The following IFNG-AS1 variants were observed in gnomAD, a reference collection of about 807,000 sequenced individuals.
The protein encoded by IFNG-AS1 is IFNG regulatory antisense RNA 1, also known as IFNG antisense RNA 1 (non-protein coding).
At chr12:67,999,559 A>C (rs1211624010) in intron 2 of IFNG-AS1, among the ~76,000 whole-genome samples, 1 of 152,222 alleles carries the variant, frequency 6.6e-6, no homozygotes, top group Non-Finnish European at 1.5e-5. Context: ...TTTGAAGAAC[A>C]AAGTAAATTA....
At chr12:68,018,636 C>T (rs1880210016) in intron 3 of IFNG-AS1, among the ~76,000 whole-genome samples, 1 of 152,112 alleles carries the variant, frequency 6.6e-6, no homozygotes, top group African/African-American at 2.4e-5. Context: ...GGAAGAAATA[C>T]TCCTACAACT....
chr12:68,006,714 G>A (rs891522781), intron 3 of IFNG-AS1, among the ~76,000 whole-genome samples: 1 of 152,222 alleles, frequency 6.6e-6, no homozygotes, highest in East Asian at 1.9e-4. Flanking sequence ...ATTTCACTGA[G>A]TCAGAAAGAG....
intron 2 of IFNG-AS1, among the ~76,000 whole-genome samples, chr12:68,003,918 A>C (rs1053816533): frequency 1.9e-5 from 2 of 107,598 alleles, no homozygotes; most frequent in Non-Finnish European, 4.2e-5. Flanking sequence ...AAAAAAAAAA[A>C]AAAGAATCCG....
At chr12:68,015,508 G>A (rs1880131177) in intron 3 of IFNG-AS1, among the ~76,000 whole-genome samples, 1 of 152,074 alleles carries the variant, frequency 6.6e-6, no homozygotes, top group Non-Finnish European at 1.5e-5. Context: ...CTACTTTGAA[G>A]CCTCTAAAGT....
intron 1 of IFNG-AS1, among the ~76,000 whole-genome samples, chr12:67,995,637 A>T (rs1304190642): frequency 1.4e-5 from 2 of 146,918 alleles, no homozygotes; most frequent in Non-Finnish European, 3.0e-5. Flanking sequence ...CAGGAGAATC[A>T]CTTGAACCTG....
intron 3 of IFNG-AS1, among the ~76,000 whole-genome samples, chr12:68,016,032 G>A (rs1464161157): frequency 1.3e-5 from 2 of 152,066 alleles, no homozygotes; most frequent in Non-Finnish European, 2.9e-5. Context: ...AAAAGTTCTT[G>A]AAAGAGAAGT....
intron 2 of IFNG-AS1, among the ~76,000 whole-genome samples, chr12:68,002,389 A>T (rs1285401500): frequency 6.6e-6 from 1 of 152,202 alleles, no homozygotes; most frequent in East Asian, 1.9e-4. Flanking sequence ...TGGCTCTCAG[A>T]GTCAGATAAT....
At chr12:68,011,467 T>C (rs1164784465) in intron 3 of IFNG-AS1, among the ~76,000 whole-genome samples, 2 of 152,070 alleles carry the variant, frequency 1.3e-5, no homozygotes, top group African/African-American at 4.8e-5. Flanking sequence ...AACCTGAAAA[T>C]GCAAAAAGCG....
chr12:68,004,413 G>A (rs1879860770), intron 2 of IFNG-AS1, among the ~76,000 whole-genome samples: 1 of 152,052 alleles, frequency 6.6e-6, no homozygotes, highest in Non-Finnish European at 1.5e-5. Flanking sequence ...TCTTCCCAAT[G>A]CTGGATCTTC....
intron 2 of IFNG-AS1, among the ~76,000 whole-genome samples, chr12:68,000,859 T>C (rs1250746915): frequency 6.6e-6 from 1 of 152,142 alleles, no homozygotes; most frequent in African/African-American, 2.4e-5. Flanking sequence ...TTAATCCTAG[T>C]TATAATTTTA....
intron 3 of IFNG-AS1, among the ~76,000 whole-genome samples, chr12:68,016,227 C>T (rs1040872621): frequency 4.6e-5 from 7 of 152,222 alleles, no homozygotes; most frequent in African/African-American, 7.2e-5. Context: ...TCCTCTCTTG[C>T]GATGCATACC....
intron 2 of IFNG-AS1, among the ~76,000 whole-genome samples, chr12:67,999,999 G>A (rs1879731391): frequency 6.6e-6 from 1 of 152,116 alleles, no homozygotes; most frequent in African/African-American, 2.4e-5. Context: ...TGTATAAGCT[G>A]AATTTAATCA....
rs951771362 is a variant in IFNG-AS1 at position 67,997,629 on chromosome 12, T to TA, written n.184+1566dup. Among the ~76,000 whole-genome samples the TA allele has an allele frequency of 5.1e-3, 744 of 146,626 alleles. 6 individuals are homozygous for TA. The highest frequency in any genetic ancestry group is 0.017 in the African/African-American group (683 of 40,230). On this transcript the variant is annotated intron_variant and non_coding_transcript_variant, in intron 2 of 5. Coordinates refer to ENST00000536914, the Ensembl canonical transcript of IFNG-AS1. ...CCATGACTCAAAATCCAGAGGCAAT[T>TA]AAAAAAAAAAGATTGACGAGTGGCC...
At chr12:67,994,700 C>A (rs1394677088) in intron 1 of IFNG-AS1, among the ~76,000 whole-genome samples, 1 of 152,190 alleles carries the variant, frequency 6.6e-6, no homozygotes, top group Non-Finnish European at 1.5e-5. Flanking sequence ...GGGATCTTAT[C>A]TGGATGATGA....
chr12:68,002,139 G>T (rs1879783769), intron 2 of IFNG-AS1, among the ~76,000 whole-genome samples: 1 of 152,186 alleles, frequency 6.6e-6, no homozygotes, highest in African/African-American at 2.4e-5. Context: ...GGGGTGAGCT[G>T]GTCTAGAATC....
intron 2 of IFNG-AS1, among the ~76,000 whole-genome samples, chr12:67,996,960 CA>C (rs1879655930): frequency 6.6e-6 from 1 of 151,946 alleles, no homozygotes; most frequent in African/African-American, 2.4e-5. Flanking sequence ...TTAACTAAAA[CA>C]ATAAGATAAG....
intron 1 of IFNG-AS1, among the ~76,000 whole-genome samples, chr12:67,990,430 G>T (rs957371597): frequency 6.6e-6 from 1 of 152,142 alleles, no homozygotes; most frequent in Non-Finnish European, 1.5e-5. Flanking sequence ...TCCTCTCTGA[G>T]CTCACCTTTG....
At chr12:68,019,434 C>T (rs1880234673) in intron 3 of IFNG-AS1, among the ~76,000 whole-genome samples, 2 of 152,174 alleles carry the variant, frequency 1.3e-5, no homozygotes, top group Admixed American at 6.6e-5. Context: ...ACCCAGGCAG[C>T]TGGGCTGCAG....
chr12:68,002,244 A>G (rs1459547830), intron 2 of IFNG-AS1, among the ~76,000 whole-genome samples: 1 of 152,220 alleles, frequency 6.6e-6, no homozygotes, highest in South Asian at 2.1e-4. Context: ...GCAAATGCAC[A>G]TGGTAGGTCA....
Sources: allele counts gnomAD v4.1 joint callset (sites outside exome capture counted in the v4.1 genomes callset), GRCh38; gene constraint gnomAD v4.1.1; transcripts MANE v1.5; gene names NCBI Gene and HGNC (gene_info 2026-07-23, HGNC 2026-07-21).